The following ETFA variants were observed in gnomAD, a reference collection of about 807,000 sequenced individuals.
The protein encoded by ETFA is electron transfer flavoprotein subunit alpha, mitochondrial.
In ETFA, 22 loss-of-function variants were observed where a neutral mutation model predicts 46.2. The observed-to-expected ratio is 0.48, with a 90% CI of 0.34 to 0.68. The LOEUF (loss-of-function observed/expected upper bound fraction) is 0.68. Ranked by LOEUF, ETFA falls within the 30% of genes least tolerant of loss-of-function variation. The pLI, the probability that ETFA is intolerant of heterozygous loss-of-function variation, is 0.01. For missense variants in ETFA, 345 were observed against 401.1 expected (o/e 0.86, Z 1.19); for synonymous variants, 131 against 139.9 (o/e 0.94, Z 0.45).
intron 9 of ETFA, among the ~76,000 whole-genome samples, chr15:76,258,282 C>G (rs1043932377): frequency 1.3e-5 from 2 of 152,114 alleles, no homozygotes; most frequent in Non-Finnish European, 2.9e-5. Context: ...CTTGGGCAAG[C>G]CTCATAGCAC....
chr15:76,224,689 C>T lies in ETFA; in HGVS notation c.963+1160G>A, dbSNP rs376013856. On this transcript the variant is annotated intron_variant, in intron 11 of 11. Coordinates refer to ENST00000557943, the MANE Select transcript of ETFA (RefSeq NM_000126.4). Reference sequence around the variant, plus strand: ...CTCTCCACTAAGGCCCATAGCCCCTCGCTGTGGTTCTACATGAGGGGTTCC... The same window carrying T: ...CTCTCCACTAAGGCCCATAGCCCCTTGCTGTGGTTCTACATGAGGGGTTCC... 5.3e-5 allele frequency among the ~76,000 whole-genome samples: 8 copies of T among 152,332 alleles called. No homozygotes were observed. The East Asian group carries it at 9.6e-4, about 18-fold the overall frequency.
At chr15:76,238,246 T>C (rs2039147864) in intron 9 of ETFA, among the ~76,000 whole-genome samples, 1 of 152,158 alleles carries the variant, frequency 6.6e-6, no homozygotes, top group African/African-American at 2.4e-5. Flanking sequence ...AATACGAATA[T>C]GAGTAGGGTG....
At chr15:76,232,102 C>G (rs2039074191) in intron 9 of ETFA, among the ~76,000 whole-genome samples, 2 of 152,102 alleles carry the variant, frequency 1.3e-5, no homozygotes, top group Admixed American at 1.3e-4. Context: ...AAAAGGCCTC[C>G]ATACCACAGT....
chr15:76,245,594 C>T (rs979488919), intron 9 of ETFA, among the ~76,000 whole-genome samples: 2 of 152,202 alleles, frequency 1.3e-5, no homozygotes, highest in African/African-American at 4.8e-5. Flanking sequence ...TGCTTATTCA[C>T]CTGGTAACTT....
At chr15:76,267,220 G>A (rs1567209472) in intron 9 of ETFA, among the ~76,000 whole-genome samples, 1 of 152,212 alleles carries the variant, frequency 6.6e-6, no homozygotes, top group Non-Finnish European at 1.5e-5. Context: ...AGTTCAACAG[G>A]ATGATCTGGT....
intron 11 of ETFA, among the ~76,000 whole-genome samples, chr15:76,224,044 G>A (rs572421272): frequency 1.3e-5 from 2 of 152,258 alleles, no homozygotes; most frequent in East Asian, 1.9e-4. Context: ...GGCAACCACA[G>A]TAGACATCTA....
intron 1 of ETFA, among the ~76,000 whole-genome samples, chr15:76,297,936 A>G (rs1393260761): frequency 6.6e-6 from 1 of 152,234 alleles, no homozygotes; most frequent in African/African-American, 2.4e-5. Flanking sequence ...TAATTCAGCA[A>G]TAGCGGTTGT....
chr15:76,304,888 C>CA (rs1384422877), intron 1 of ETFA, among the ~76,000 whole-genome samples: 3 of 151,552 alleles, frequency 2.0e-5, no homozygotes, highest in Non-Finnish European at 2.9e-5. Context: ...ACTAAAAATA[C>CA]AAAAATTAGC....
chr15:76,255,095 T>C (rs527360703), intron 9 of ETFA, among the ~76,000 whole-genome samples: 3 of 152,288 alleles, frequency 2.0e-5, no homozygotes, highest in East Asian at 1.9e-4. Context: ...GCAACAACCA[T>C]GTCTAAAGAT....
At chr15:76,244,552 C>G (rs1457034874) in intron 9 of ETFA, among the ~76,000 whole-genome samples, 1 of 152,028 alleles carries the variant, frequency 6.6e-6, no homozygotes, top group South Asian at 2.1e-4. Context: ...TGCTAAATGA[C>G]CAATTATCCA....
At chr15:76,300,657 T>C (rs1167287289) in intron 1 of ETFA, among the ~76,000 whole-genome samples, 1 of 152,262 alleles carries the variant, frequency 6.6e-6, no homozygotes, top group African/African-American at 2.4e-5. Context: ...TATTCTCCCC[T>C]GCTTAAAACA....
At chr15:76,267,587 T>C (rs111466999) in intron 9 of ETFA, among the ~76,000 whole-genome samples, 71 of 152,256 alleles carry the variant, frequency 4.7e-4, no homozygotes, top group African/African-American at 1.6e-3. Flanking sequence ...AAAGCCTAAT[T>C]TGCAGGACCT....
chr15:76,290,793 T>C (rs1365109316), intron 4 of ETFA, among the ~76,000 whole-genome samples: 1 of 152,222 alleles, frequency 6.6e-6, no homozygotes, highest in African/African-American at 2.4e-5. Flanking sequence ...ACAGCTATAC[T>C]TCTAAAGAGG....
chr15:76,272,769 C>G (rs1282919578), intron 9 of ETFA, among the ~76,000 whole-genome samples: 1 of 148,546 alleles, frequency 6.7e-6, no homozygotes, highest in Non-Finnish European at 1.5e-5. Flanking sequence ...CCCCTGCACT[C>G]CAGCCCAGGT....
chr15:76,259,119 C>A, intron 9 of ETFA: 1 of 1,519,682 alleles, frequency 6.6e-7, no homozygotes, highest in Non-Finnish European at 9.1e-7. Flanking sequence ...GATGTATCAA[C>A]ATTCACTGGG....
At chr15:76,286,779 C>T (rs1056407224) in intron 5 of ETFA, among the ~76,000 whole-genome samples, 1 of 152,148 alleles carries the variant, frequency 6.6e-6, no homozygotes, top group African/African-American at 2.4e-5. Context: ...GGAATATGAA[C>T]AAAGCTTCCT....
chr15:76,263,734 G>A (rs561072345), intron 9 of ETFA, among the ~76,000 whole-genome samples: 1 of 152,304 alleles, frequency 6.6e-6, no homozygotes, highest in African/African-American at 2.4e-5. Context: ...GGTAGCTCCT[G>A]AGCCATTTCA....
At chr15:76,298,820 A>G (rs977865231) in intron 1 of ETFA, among the ~76,000 whole-genome samples, 23 of 152,204 alleles carry the variant, frequency 1.5e-4, no homozygotes, top group African/African-American at 5.1e-4. Context: ...TATAATCTCA[A>G]AAGACCTCTT....
chr15:76,233,498 T>A (rs1407763810), intron 9 of ETFA, among the ~76,000 whole-genome samples: 1 of 151,806 alleles, frequency 6.6e-6, no homozygotes, highest in Non-Finnish European at 1.5e-5. Context: ...CCCAGCTAAT[T>A]TTTGTATTTT....
Sources: allele counts gnomAD v4.1 joint callset (sites outside exome capture counted in the v4.1 genomes callset), GRCh38; gene constraint gnomAD v4.1.1; transcripts MANE v1.5; gene names NCBI Gene and HGNC (gene_info 2026-07-23, HGNC 2026-07-21).